YME1L1: variants seen among roughly 807,000 people sequenced by gnomAD.
The protein encoded by YME1L1 is YME1 like 1 ATPase, also known as ATP-dependent zinc metalloprotease YME1L1.
In YME1L1, 39 loss-of-function variants were observed where a neutral mutation model predicts 90.4. That is an observed-to-expected ratio of 0.43 (90% confidence interval 0.33 to 0.56). YME1L1 has a LOEUF of 0.56. YME1L1 is among the 20% of genes least tolerant of loss of function. YME1L1 has a pLI of 0.03. For missense variants in YME1L1, 617 were observed against 868.4 expected, an observed-to-expected ratio of 0.71 and a Z score of 3.64; for synonymous variants, 284 against 287.3, an observed-to-expected ratio of 0.99 and a Z score of 0.12.
At chr10:27,146,194 A>G (rs948103970) in intron 2 of YME1L1, 9 of 152,208 alleles carry the variant, frequency 5.9e-5, no homozygotes, top group African/African-American at 2.2e-4. Context: ...GCAGCCATAA[A>G]CAAAAGCCCA....
chr10:27,152,297 C>T (rs2057229045), intron 1 of YME1L1, among the ~76,000 whole-genome samples: 1 of 152,134 alleles, frequency 6.6e-6, no homozygotes. Flanking sequence ...GAGTTGAGCT[C>T]TTCTCAATGA....
chr10:27,149,084 A>T lies in YME1L1; in HGVS notation c.34-44T>A, dbSNP rs895813832. 4 of 1,512,862 alleles carry T rather than the reference A, an allele frequency of 2.6e-6. No individual in the cohort carries two copies. The East Asian group carries it at 9.1e-5, about 34-fold the overall frequency. The allele number at this position is 1,512,862 out of a possible 1,614,324, so 93.7% of individuals were successfully genotyped here. A position where few individuals can be genotyped will look rare whatever the true frequency, so the allele number is the denominator to read the frequency against. The stretch of plus-strand genomic sequence containing the variant: ...TAAAAACTAAGTAGTTTTTTTTTAA[A>T]TAAACAGAACAATCTCCTTTTTTTG... On this transcript the variant is annotated intron_variant, in intron 1 of 18. Transcript: ENST00000376016.
rs979177319 is a variant in YME1L1, at chr10:27,136,404, T to C, written c.431-19A>G. The C allele has an allele frequency of 3.8e-6, 6 of 1,578,572 alleles. No homozygotes were observed. Among genetic ancestry groups the C allele is most frequent in the Admixed American group, 1.7e-5 (1 of 57,720 alleles). On this transcript the variant is annotated intron_variant, in intron 4 of 18. Coordinates refer to ENST00000376016, the MANE Select transcript of YME1L1 (RefSeq NM_014263.4). ...ATGAAAACTAAATAAAACAATACCA[T>C]TCACTGTCACTATAAATTGTTACAG...
At chr10:27,153,844 TACAG>T (rs1373321013) in intron 1 of YME1L1, among the ~76,000 whole-genome samples, 3 of 152,164 alleles carry the variant, frequency 2.0e-5, no homozygotes, top group African/African-American at 7.2e-5. Context: ...TAATGTATGG[TACAG>T]ACATTTTCCC....
intron 4 of YME1L1, among the ~76,000 whole-genome samples, chr10:27,141,451 A>C (rs1465175535): frequency 6.6e-6 from 1 of 152,202 alleles, no homozygotes. Flanking sequence ...AAAAGTAAAT[A>C]TACTTAGAAT....
chr10:27,142,037 C>T (rs2057093217), intron 4 of YME1L1, among the ~76,000 whole-genome samples: 1 of 149,150 alleles, frequency 6.7e-6, no homozygotes, highest in African/African-American at 2.5e-5. Context: ...TAACGGAACG[C>T]TTCTGTTGTT....
In YME1L1 at chr10:27,111,918, C is replaced by G; in HGVS notation, c.*59G>C. 1 of 1,581,922 alleles carries G rather than the reference C, an allele frequency of 6.3e-7. No individual in the cohort carries two copies. Among genetic ancestry groups the G allele is most frequent in the Non-Finnish European group, 8.7e-7 (1 of 1,152,006 alleles). ...GGGAAAGCGTTGTAAAAGTAGACTA[C>G]TGCAATGCTACTTGTATTCTTGCAA... On this transcript the variant is annotated 3_prime_UTR_variant, in exon 19 of 19. Coordinates refer to ENST00000376016, the MANE Select transcript of YME1L1 (RefSeq NM_014263.4).
Position 27,111,941 on chromosome 10 carries a change from C to A in YME1L1, c.*36G>T. 1 of 1,612,536 alleles carries A rather than the reference C, an allele frequency of 6.2e-7. No individual in the cohort carries two copies. Among genetic ancestry groups the A allele is most frequent in the Non-Finnish European group, 8.5e-7 (1 of 1,179,030 alleles). On this transcript the variant is annotated 3_prime_UTR_variant, in exon 19 of 19. Transcript: ENST00000376016. ...TACTGCAATGCTACTTGTATTCTTG[C>A]AATAAAACCAGCAAGCATCCATATC...
At chr10:27,148,449 A>G (rs2057170322) in intron 2 of YME1L1, among the ~76,000 whole-genome samples, 1 of 151,978 alleles carries the variant, frequency 6.6e-6, no homozygotes, top group Non-Finnish European at 1.5e-5. Flanking sequence ...GTGATCCTTG[A>G]ACAACACAGA....
chr10:27,121,339 T>C (rs933953053), intron 12 of YME1L1, 47 bp downstream of exon 12: 2 of 1,344,926 alleles, frequency 1.5e-6, no homozygotes, highest in East Asian at 4.6e-5. Context: ...TAGCACAATT[T>C]TGTAGCATGT....
chr10:27,141,448 A>G (rs1287909522), intron 4 of YME1L1, among the ~76,000 whole-genome samples: 1 of 152,202 alleles, frequency 6.6e-6, no homozygotes, highest in African/African-American at 2.4e-5. Context: ...AGCAAAAGTA[A>G]ATATACTTAG....
Position 27,139,487 on chromosome 10 carries a change from T to C in YME1L1, c.430+2900A>G, listed in dbSNP as rs538521455. 2.0e-5 allele frequency among the ~76,000 whole-genome samples: 3 copies of C among 152,126 alleles called. No homozygotes were observed. In the South Asian group the frequency reaches 6.2e-4, roughly 32 times the overall value. The stretch of plus-strand genomic sequence containing the variant: ...CTGGCCTTATGCTAATACTAAAAAG[T>C]TTTACTAACAGCAATCTCATGGAAT... On this transcript the variant is annotated intron_variant, in intron 4 of 18. Coordinates refer to ENST00000376016, the MANE Select transcript of YME1L1 (RefSeq NM_014263.4).
At chr10:27,152,660 T>G (rs956567387) in intron 1 of YME1L1, among the ~76,000 whole-genome samples, 3 of 152,222 alleles carry the variant, frequency 2.0e-5, no homozygotes, top group African/African-American at 7.2e-5. Context: ...CTCCAGACAC[T>G]GTCATCTTGG....
intron 18 of YME1L1, among the ~76,000 whole-genome samples, chr10:27,113,544 C>T (rs949140260): frequency 3.3e-5 from 5 of 151,444 alleles, no homozygotes; most frequent in East Asian, 3.9e-4. Context: ...TGGTGGCACG[C>T]GCCTGTAATC....
At chr10:27,113,776 G>A (rs2056784487) in intron 18 of YME1L1, among the ~76,000 whole-genome samples, 1 of 150,868 alleles carries the variant, frequency 6.6e-6, no homozygotes, top group African/African-American at 2.4e-5. Flanking sequence ...GTTGACTTGA[G>A]CCCAGGAGTT....
At chr10:27,141,647 CAG>C (rs1483690489) in intron 4 of YME1L1, among the ~76,000 whole-genome samples, 427 of 125,092 alleles carry the variant, frequency 3.4e-3, no homozygotes, top group South Asian at 0.012. Context: ...CACACACACA[CAG>C]ACGTCTTATT....
Position 27,123,599 on chromosome 10 carries a change from T to C in YME1L1, c.1050A>G (p.Glu350=). Residue 350 remains glutamate, a synonymous_variant, in exon 10 of 19, where the codon GAA becomes GAG. Transcript: ENST00000376016. ...DVPFYYASGS[E]FDEMFVGVGA... ...CCACACCCACAAACATCTCATCAAA[T>C]TCGGATCCAGAAGCATAATAAAAAG... The C allele has an allele frequency of 1.9e-6, 3 of 1,613,862 alleles. No individual in the cohort carries two copies. The highest frequency in any genetic ancestry group is 2.5e-6 in the Non-Finnish European group (3 of 1,179,916).
At chr10:27,141,501 C>T (rs1288646009) in intron 4 of YME1L1, among the ~76,000 whole-genome samples, 9 of 151,690 alleles carry the variant, frequency 5.9e-5, no homozygotes, top group Admixed American at 5.3e-4. Context: ...AATACTTTAG[C>T]GAATGTGTAA....
chr10:27,138,282 C>G (rs748477960), intron 4 of YME1L1, among the ~76,000 whole-genome samples: 5 of 151,988 alleles, frequency 3.3e-5, no homozygotes, highest in Non-Finnish European at 1.5e-5. Context: ...AGGATAAAAT[C>G]CCCTTCATTA....
Sources: gnomAD v4.1 joint callset for allele counts (sites outside exome capture counted in the v4.1 genomes callset) on GRCh38, gnomAD v4.1.1 for gene constraint, MANE v1.5 for transcripts, NCBI Gene and HGNC (gene_info 2026-07-23, HGNC 2026-07-21) for gene names.